The following SYNE1 variants were observed in gnomAD, a reference collection of about 807,000 sequenced individuals.
SYNE1 encodes nesprin-1.
SYNE1 carries 616 observed loss-of-function variants against 1,111.0 expected under a neutral mutation model. That is an observed-to-expected ratio of 0.55 (90% confidence interval 0.52 to 0.59). The LOEUF (loss-of-function observed/expected upper bound fraction) is 0.59. Ranked by LOEUF, SYNE1 falls within the 20% of genes least tolerant of loss-of-function variation. The probability of loss-of-function intolerance (pLI) is 0.00; values close to 1 mark genes in which losing one functional copy is unlikely to be tolerated. For synonymous variants in SYNE1, 3,855 were observed against 3,825.8 expected, an observed-to-expected ratio of 1.01 and a Z score of -0.28; for missense variants, 10,006 against 10,417.0, an observed-to-expected ratio of 0.96 and a Z score of 1.72.
At chr6:152,226,305 C>T (rs1359364502) in intron 115 of SYNE1, among the ~76,000 whole-genome samples, 2 of 122,516 alleles carry the variant, frequency 1.6e-5, no homozygotes, top group Non-Finnish European at 3.4e-5. Flanking sequence ...GAGATTTAGT[C>T]ACATTTCTAC....
rs1563136045 is a variant in SYNE1 at position 152,331,776 on chromosome 6, T to G, written c.12909A>C (p.Ile4303=). 4 of 1,614,124 alleles carry G rather than the reference T, an allele frequency of 2.5e-6. No homozygotes were observed. The highest frequency in any genetic ancestry group is 3.4e-6 in the Non-Finnish European group (4 of 1,180,050). ...CCTTGTCATCTAAATTCAGATGCTC[T>G]ATCATTTTCTGCTTTTGATCTTTCA... ...EDLKDQKQKM[I]EHLNLDDKEL... is the part of the protein sequence containing the mutation. Residue 4303 remains isoleucine, a synonymous_variant, in exon 78 of 146, where the codon ATA becomes ATC. Transcript: ENST00000367255.
At chr6:152,391,688 A>G in intron 51 of SYNE1, 120 bp from the exon 52 acceptor site, 1 of 1,205,088 alleles carries the variant, frequency 8.3e-7, no homozygotes, top group Non-Finnish European at 1.1e-6. Flanking sequence ...CATAGCTGAC[A>G]TGCCTTTTAA....
At chr6:152,375,846 C>T (rs1006543956) in intron 58 of SYNE1, among the ~76,000 whole-genome samples, 48 of 152,138 alleles carry the variant, frequency 3.2e-4, no homozygotes, top group Admixed American at 2.6e-3. Flanking sequence ...AAATAGTGTG[C>T]ATTTATATAA....
chr6:152,175,563 C>T (rs947455082), intron 130 of SYNE1, among the ~76,000 whole-genome samples: 1 of 152,182 alleles, frequency 6.6e-6, no homozygotes, highest in Non-Finnish European at 1.5e-5. Flanking sequence ...TTCATTTATG[C>T]ACTGAAGTAT....
intron 5 of SYNE1, among the ~76,000 whole-genome samples, chr6:152,520,858 G>C (rs1329314825): frequency 6.6e-6 from 1 of 152,092 alleles, no homozygotes; most frequent in Non-Finnish European, 1.5e-5. Context: ...CTCATCATTG[G>C]TCTGTGCACA....
intron 16 of SYNE1, among the ~76,000 whole-genome samples, chr6:152,469,546 T>G (rs926896078): frequency 6.6e-6 from 1 of 152,096 alleles, no homozygotes. Flanking sequence ...CTTACAGGTA[T>G]GTAAGTGTAA....
rs556147755 is a variant in SYNE1, at chr6:152,419,485, T to A, written c.5421+84A>T. Reference sequence around the variant, plus strand: ...TAAATTCTCACCATTTAAACTTTTTTAAAATGTTGCATCTCTTTTTAATTC... The same window carrying A: ...TAAATTCTCACCATTTAAACTTTTTAAAAATGTTGCATCTCTTTTTAATTC... On this transcript the variant is annotated intron_variant, in intron 40 of 145. Transcript: ENST00000367255. 1.0e-3 allele frequency: 1,410 copies of A among 1,379,634 alleles called. 3 individuals carry two copies. The highest frequency in any genetic ancestry group is 1.3e-3 in the Non-Finnish European group (1,288 of 1,009,402). The allele number at this position is 1,379,634 out of a possible 1,614,324, so 85.5% of individuals were successfully genotyped here.
chr6:152,207,933 T>C (rs2076824408), intron 125 of SYNE1, 39 bp downstream of exon 125: 1 of 1,606,510 alleles, frequency 6.2e-7, no homozygotes, highest in South Asian at 1.1e-5. Context: ...GCGGTGGAAA[T>C]GCCTAAGAGG....
At chr6:152,218,952 G>C in intron 120 of SYNE1, 51 bp downstream of exon 120, 2 of 1,562,048 alleles carry the variant, frequency 1.3e-6, no homozygotes, top group Non-Finnish European at 8.8e-7. Context: ...TTTGTGCCCA[G>C]ATATTAGAGA....
At chr6:152,321,605 C>T (rs931241829) in intron 83 of SYNE1, 116 bp downstream of exon 83, 17 of 1,385,762 alleles carry the variant, frequency 1.2e-5, no homozygotes, top group Middle Eastern at 2.3e-4. Context: ...TTATATAACA[C>T]ACTTCTGAAA....
chr6:152,490,302 C>T (rs2098963487), intron 11 of SYNE1, among the ~76,000 whole-genome samples: 1 of 148,654 alleles, frequency 6.7e-6, no homozygotes, highest in Admixed American at 6.7e-5. Context: ...TGGAACCAAT[C>T]ACTTGTGAAT....
Position 152,419,649 on chromosome 6 carries a change from T to C in SYNE1, c.5341A>G (p.Ile1781Val). ...TGTAATTCACTGAGAAACAGTTTAA[T>C]CCAGACAGAAAAGGAAAGCAGCAGC... ...DELLLSFSVW[I>V]KLFLSELQTT... is the part of the protein sequence containing the mutation. Residue 1781 changes from isoleucine (I) to valine (V), a missense_variant, in exon 40 of 146, where the codon ATT becomes GTT. Transcript: ENST00000367255. 1 of 1,613,960 alleles carries C rather than the reference T, an allele frequency of 6.2e-7. No homozygotes were observed. Among genetic ancestry groups the C allele is most frequent in the South Asian group, 1.1e-5 (1 of 91,070 alleles).
chr6:152,384,255 G>T (rs1197513423), intron 55 of SYNE1, among the ~76,000 whole-genome samples: 1 of 152,150 alleles, frequency 6.6e-6, no homozygotes, highest in Non-Finnish European at 1.5e-5. Context: ...TTTGATTCCA[G>T]AGCCTGAACT....
chr6:152,608,889 C>T (rs1727061), intron 3 of SYNE1, among the ~76,000 whole-genome samples: 108,813 of 151,972 alleles, frequency 0.72, 39,046 homozygotes, highest in East Asian at 0.81. Flanking sequence ...GCCAAGATCG[C>T]GCCACTGCAC....
At chr6:152,168,609 A>T (rs2064280261) in intron 130 of SYNE1, among the ~76,000 whole-genome samples, 1 of 152,350 alleles carries the variant, frequency 6.6e-6, no homozygotes, top group South Asian at 2.1e-4. Flanking sequence ...AAGAAAACAA[A>T]TCATCCCACT....
In SYNE1 at chr6:152,628,370, T is replaced by G; in HGVS notation, c.-39A>C. ...GCACGAAGCCAACACCAAGAGACTC[T>G]TCACTGGAGGCAGCACAGGGCTACA... is the stretch of plus-strand genomic sequence containing the variant. On this transcript the variant is annotated 5_prime_UTR_variant, in exon 3 of 146. Coordinates refer to ENST00000367255, the MANE Select transcript of SYNE1 (RefSeq NM_182961.4). 1.2e-6 allele frequency: 2 copies of G among 1,600,614 alleles called. No homozygotes were observed. The highest frequency in any genetic ancestry group is 1.7e-6 in the Non-Finnish European group (2 of 1,167,784).
Position 152,447,552 on chromosome 6 carries a change from G to C in SYNE1, c.3575C>G (p.Thr1192Arg). Residue 1192 changes from threonine (T) to arginine (R), a missense_variant, in exon 29 of 146, where the codon ACA becomes AGA. Transcript: ENST00000367255. ...GGCTTCATTCTCAGAAGAAACTTCTGTCAAAACTTTCAGCCTGGATTTCAG... is the reference window on the plus strand; with the variant it reads ...GGCTTCATTCTCAGAAGAAACTTCTCTCAAAACTTTCAGCCTGGATTTCAG... Reference protein sequence around the residue: ...SWLKSRLKVLTEVSSENEAQK... With the variant: ...SWLKSRLKVLREVSSENEAQK... The C allele has an allele frequency of 6.2e-7, 1 of 1,614,172 alleles. No homozygotes were observed. Among genetic ancestry groups the C allele is most frequent in the Non-Finnish European group, 8.5e-7 (1 of 1,180,030 alleles).
chr6:152,540,793 G>T (rs577435082), intron 3 of SYNE1, among the ~76,000 whole-genome samples: 1 of 152,194 alleles, frequency 6.6e-6, no homozygotes, highest in Non-Finnish European at 1.5e-5. Flanking sequence ...GGAACTAGAG[G>T]CTCCCTTCAG....
intron 3 of SYNE1, among the ~76,000 whole-genome samples, chr6:152,548,245 A>G (rs1262509212): frequency 6.6e-6 from 1 of 152,202 alleles, no homozygotes; most frequent in Non-Finnish European, 1.5e-5. Flanking sequence ...CACCACTCCA[A>G]ATGAACAGGA....
Sources: gnomAD v4.1 joint callset for allele counts (sites outside exome capture counted in the v4.1 genomes callset) on GRCh38, gnomAD v4.1.1 for gene constraint, MANE v1.5 for transcripts, NCBI Gene and HGNC (gene_info 2026-07-23, HGNC 2026-07-21) for gene names.